The following KCNK2 variants were observed in gnomAD, a reference collection of about 807,000 sequenced individuals.
KCNK2 encodes potassium channel subfamily K member 2.
KCNK2 carries 21 observed loss-of-function variants against 40.5 expected under a neutral mutation model. The observed-to-expected ratio is 0.52, with a 90% CI of 0.37 to 0.75. The LOEUF (loss-of-function observed/expected upper bound fraction) is 0.75, where lower values mean the gene tolerates loss of function less well. Ranked by LOEUF, KCNK2 falls within the 30% of genes least tolerant of loss-of-function variation. KCNK2 has a pLI of 0.00. For synonymous variants in KCNK2, 191 were observed against 202.2 expected, an observed-to-expected ratio of 0.94 and a Z score of 0.47; for missense variants, 399 against 531.6, an observed-to-expected ratio of 0.75 and a Z score of 2.45.
At chr1:215,213,971 C>T (rs1416619054) in intron 6 of KCNK2, among the ~76,000 whole-genome samples, 1 of 152,136 alleles carries the variant, frequency 6.6e-6, no homozygotes, top group Non-Finnish European at 1.5e-5. Flanking sequence ...GCATTCATCT[C>T]TAATATGACA....
At chr1:215,084,647 T>C (rs756562095) in intron 1 of KCNK2, among the ~76,000 whole-genome samples, 4 of 152,162 alleles carry the variant, frequency 2.6e-5, no homozygotes, top group Admixed American at 6.5e-5. Flanking sequence ...TAATTTTGAG[T>C]GAAGGTGTCT....
chr1:215,125,962 G>C (rs1354932293), intron 3 of KCNK2, among the ~76,000 whole-genome samples: 1 of 151,662 alleles, frequency 6.6e-6, no homozygotes, highest in Non-Finnish European at 1.5e-5. Flanking sequence ...ATGTAAAAAA[G>C]GGAGTTTTTT....
At chr1:215,222,851 T>C (rs1666236764) in intron 6 of KCNK2, among the ~76,000 whole-genome samples, 1 of 151,978 alleles carries the variant, frequency 6.6e-6, no homozygotes, top group African/African-American at 2.4e-5. Flanking sequence ...TTAATGATAA[T>C]TGTTAGGAAT....
At chr1:215,052,233 T>A (rs2102500318) in intron 1 of KCNK2, among the ~76,000 whole-genome samples, 1 of 152,238 alleles carries the variant, frequency 6.6e-6, no homozygotes, top group East Asian at 1.9e-4. Context: ...GGCAGGTTGG[T>A]TCTAGGTGGT....
chr1:215,130,946 C>T (rs1482347508), intron 3 of KCNK2, among the ~76,000 whole-genome samples: 3 of 151,674 alleles, frequency 2.0e-5, no homozygotes, highest in African/African-American at 7.3e-5. Flanking sequence ...CTGCAAGCTC[C>T]GCCTCCCAGG....
At chr1:215,228,163 G>A (rs1666469684) in intron 6 of KCNK2, among the ~76,000 whole-genome samples, 1 of 152,116 alleles carries the variant, frequency 6.6e-6, no homozygotes, top group African/African-American at 2.4e-5. Flanking sequence ...ATTATCCGGG[G>A]AGAATGAAAA....
intron 1 of KCNK2, among the ~76,000 whole-genome samples, chr1:215,021,702 C>G (rs1183027850): frequency 6.6e-6 from 1 of 152,006 alleles, no homozygotes; most frequent in Non-Finnish European, 1.5e-5. Context: ...CCCGCCACCA[C>G]GCCTGGCTAA....
At chr1:215,109,325 T>G (rs1480280356) in intron 2 of KCNK2, among the ~76,000 whole-genome samples, 1 of 152,072 alleles carries the variant, frequency 6.6e-6, no homozygotes, top group African/African-American at 2.4e-5. Context: ...TTGTACCCAT[T>G]AACCAACCTC....
intron 2 of KCNK2, among the ~76,000 whole-genome samples, chr1:215,095,264 T>C (rs1261461928): frequency 3.9e-5 from 6 of 152,082 alleles, no homozygotes; most frequent in Non-Finnish European, 8.8e-5. Context: ...AAGAAACAAA[T>C]GGCACCTTAA....
chr1:215,067,924 A>G (rs147286780), intron 1 of KCNK2, among the ~76,000 whole-genome samples: 21 of 152,322 alleles, frequency 1.4e-4, no homozygotes, highest in African/African-American at 5.1e-4. Flanking sequence ...AAATATTGTT[A>G]GTGAGAGATC....
intron 3 of KCNK2, among the ~76,000 whole-genome samples, chr1:215,164,639 G>T (rs1325283475): frequency 6.6e-6 from 1 of 152,270 alleles, no homozygotes; most frequent in Non-Finnish European, 1.5e-5. Context: ...TGGTTTCAAA[G>T]AACTTATTTA....
intron 6 of KCNK2, among the ~76,000 whole-genome samples, chr1:215,215,626 T>C (rs1665930351): frequency 1.3e-5 from 2 of 152,302 alleles, no homozygotes; most frequent in South Asian, 4.1e-4. Flanking sequence ...CATGTGTGTG[T>C]CTATCATGCT....
intron 6 of KCNK2, among the ~76,000 whole-genome samples, chr1:215,216,000 G>A (rs1646679051): frequency 6.6e-6 from 1 of 152,174 alleles, no homozygotes; most frequent in Admixed American, 6.5e-5. Context: ...ACAGCAGCAT[G>A]CTTGTAAGAC....
intron 5 of KCNK2, among the ~76,000 whole-genome samples, chr1:215,185,737 TC>T (rs149762602): frequency 6.6e-6 from 1 of 152,302 alleles, no homozygotes; most frequent in Non-Finnish European, 1.5e-5. Context: ...TCCTCATCTT[TC>T]TATTGGGCTA....
chr1:215,043,447 T>C (rs116037002), intron 1 of KCNK2, among the ~76,000 whole-genome samples: 1,921 of 152,326 alleles, frequency 0.013, 19 homozygotes, highest in Middle Eastern at 0.031. Context: ...ATGCATACAA[T>C]GGAATATTAC....
intron 6 of KCNK2, among the ~76,000 whole-genome samples, chr1:215,202,188 G>A (rs570982223): frequency 1.5e-3 from 231 of 152,258 alleles, no homozygotes; most frequent in African/African-American, 5.0e-3. Context: ...AGCAGGAAGC[G>A]TCACAATGGG....
chr1:215,093,841 T>TATATATTATATATTATATATAAA (rs1558088087), intron 2 of KCNK2, among the ~76,000 whole-genome samples: 1 of 57,366 alleles, frequency 1.7e-5, no homozygotes, highest in Non-Finnish European at 3.5e-5. Flanking sequence ...TAAAATATAT[T>TATATATTATATATTATATATAAA]ATATATTATA....
chr1:215,125,695 A>C (rs2102582411), intron 3 of KCNK2, among the ~76,000 whole-genome samples: 1 of 150,066 alleles, frequency 6.7e-6, no homozygotes, highest in East Asian at 2.0e-4. Flanking sequence ...TATGTAACAA[A>C]CCTGCACGTT....
intron 2 of KCNK2, among the ~76,000 whole-genome samples, chr1:215,095,905 G>T (rs562862152): frequency 1.3e-5 from 2 of 152,090 alleles, no homozygotes; most frequent in East Asian, 3.9e-4. Flanking sequence ...ACACAAAAGG[G>T]CAAATAAAAT....
Sources: gnomAD v4.1 joint callset for allele counts (sites outside exome capture counted in the v4.1 genomes callset) on GRCh38, gnomAD v4.1.1 for gene constraint, MANE v1.5 for transcripts, NCBI Gene and HGNC (gene_info 2026-07-23, HGNC 2026-07-21) for gene names.